CDH13: variants seen among roughly 807,000 people sequenced by gnomAD.
The protein encoded by CDH13 is cadherin 13, also known as cadherin-13.
A neutral mutation model predicts 63.8 loss-of-function variants in CDH13; 24 were observed. The observed-to-expected ratio is 0.38, with a 90% confidence interval of 0.27 to 0.53. The LOEUF is 0.53. Ranked by LOEUF, CDH13 falls within the 20% of genes least tolerant of loss-of-function variation. CDH13 has a pLI of 0.85. For synonymous variants in CDH13, 503 were observed against 355.3 expected (o/e 1.42, Z -4.67); for missense variants, 1,049 against 903.1 (o/e 1.16, Z -2.07).
chr16:83,049,537 G>C (rs8046104), intron 3 of CDH13, among the ~76,000 whole-genome samples: 2 of 151,698 alleles, frequency 1.3e-5, no homozygotes, highest in African/African-American at 2.4e-5. Flanking sequence ...GGGTTTCACC[G>C]TGTTAGCCAG....
chr16:82,704,441 T>C (rs1301159912), intron 1 of CDH13, among the ~76,000 whole-genome samples: 1 of 152,254 alleles, frequency 6.6e-6, no homozygotes, highest in Admixed American at 6.5e-5. Flanking sequence ...CAGTATGCAC[T>C]GATGGTGACT....
intron 3 of CDH13, among the ~76,000 whole-genome samples, chr16:83,050,545 G>T (rs766871711): frequency 1.3e-5 from 2 of 152,070 alleles, no homozygotes; most frequent in Non-Finnish European, 2.9e-5. Context: ...CCTGCCATTG[G>T]AAGTGCCTGT....
chr16:83,006,838 A>G (rs555464394), intron 2 of CDH13, among the ~76,000 whole-genome samples: 2 of 152,338 alleles, frequency 1.3e-5, no homozygotes, highest in South Asian at 4.1e-4. Context: ...GAAGTAAGGA[A>G]CAATGTAATT....
At chr16:83,449,912 T>A (rs979903854) in intron 6 of CDH13, among the ~76,000 whole-genome samples, 13 of 152,216 alleles carry the variant, frequency 8.5e-5, no homozygotes, top group African/African-American at 3.1e-4. Flanking sequence ...GGCTGCTGTT[T>A]CTGTTTTTAT....
At chr16:82,804,276 TACACACACACACACACAC>T (rs140828245) in intron 1 of CDH13, among the ~76,000 whole-genome samples, 2 of 135,104 alleles carry the variant, frequency 1.5e-5, no homozygotes, top group African/African-American at 3.0e-5. Flanking sequence ...GGGATCTTGC[TACACACACACACACACAC>T]ACACACACAC....
At chr16:82,627,414 A>G (rs1907453697) in intron 1 of CDH13, among the ~76,000 whole-genome samples, 2 of 148,482 alleles carry the variant, frequency 1.3e-5, no homozygotes, top group South Asian at 2.2e-4. Flanking sequence ...GAGAGCTCCC[A>G]GTCCTTTTTT....
chr16:83,719,027 C>T (rs905057956), intron 10 of CDH13, among the ~76,000 whole-genome samples: 2 of 152,142 alleles, frequency 1.3e-5, no homozygotes, highest in Non-Finnish European at 2.9e-5. Flanking sequence ...GTGCATTTGG[C>T]CTGATATGCA....
chr16:83,092,590 T>C (rs1254798141), intron 3 of CDH13, among the ~76,000 whole-genome samples: 2 of 152,226 alleles, frequency 1.3e-5, no homozygotes, highest in African/African-American at 4.8e-5. Context: ...TGTTACTTTT[T>C]TCCTTTCTTC....
intron 6 of CDH13, among the ~76,000 whole-genome samples, chr16:83,471,828 G>A (rs1226314291): frequency 6.6e-6 from 1 of 152,126 alleles, no homozygotes; most frequent in South Asian, 2.1e-4. Flanking sequence ...ATTACCTCTT[G>A]AGTCTCATCG....
intron 1 of CDH13, among the ~76,000 whole-genome samples, chr16:82,790,374 G>T (rs1454088582): frequency 6.6e-6 from 1 of 152,142 alleles, no homozygotes; most frequent in Non-Finnish European, 1.5e-5. Flanking sequence ...GGCAGAGGTT[G>T]CAGTGAGCCA....
chr16:82,828,524 G>A (rs1597725465), intron 1 of CDH13, among the ~76,000 whole-genome samples: 2 of 152,150 alleles, frequency 1.3e-5, no homozygotes, highest in Admixed American at 1.3e-4. Flanking sequence ...CTACTCAGGT[G>A]GCTGAGGCAT....
At chr16:83,315,233 C>T (rs532825276) in intron 5 of CDH13, among the ~76,000 whole-genome samples, 5 of 152,306 alleles carry the variant, frequency 3.3e-5, no homozygotes, top group East Asian at 1.9e-4. Flanking sequence ...CCGCTGAATC[C>T]GAGGAAGGGC....
intron 7 of CDH13, among the ~76,000 whole-genome samples, chr16:83,591,283 C>G (rs938421145): frequency 6.6e-6 from 1 of 152,192 alleles, no homozygotes; most frequent in Non-Finnish European, 1.5e-5. Context: ...CATAATGTTG[C>G]TATGTCAGGG....
intron 2 of CDH13, among the ~76,000 whole-genome samples, chr16:82,974,713 T>C (rs942698457): frequency 2.0e-5 from 3 of 152,150 alleles, no homozygotes; most frequent in African/African-American, 4.8e-5. Context: ...GATTTAAAGA[T>C]GCTCTATTGC....
chr16:83,451,276 A>G (rs1163936428), intron 6 of CDH13, among the ~76,000 whole-genome samples: 4 of 152,182 alleles, frequency 2.6e-5, no homozygotes, highest in African/African-American at 9.6e-5. Context: ...GCGAAGGAGG[A>G]GCAAAGTTAC....
chr16:83,442,461 G>C (rs771475643), intron 6 of CDH13, among the ~76,000 whole-genome samples: 1 of 152,222 alleles, frequency 6.6e-6, no homozygotes, highest in Non-Finnish European at 1.5e-5. Context: ...TCTGGATGCT[G>C]ATGCTTTTCT....
intron 2 of CDH13, among the ~76,000 whole-genome samples, chr16:83,018,854 C>CA (rs1915067039): frequency 6.6e-6 from 1 of 152,122 alleles, no homozygotes; most frequent in Non-Finnish European, 1.5e-5. Flanking sequence ...CATATCTAAA[C>CA]ACAGAAAAGG....
intron 2 of CDH13, among the ~76,000 whole-genome samples, chr16:83,024,104 G>A (rs1915588640): frequency 6.6e-6 from 1 of 152,158 alleles, no homozygotes; most frequent in South Asian, 2.1e-4. Flanking sequence ...TAGAGTGGAT[G>A]CAGGCATGAA....
chr16:83,419,696 C>G (rs956693056), intron 6 of CDH13, among the ~76,000 whole-genome samples: 3 of 152,222 alleles, frequency 2.0e-5, no homozygotes, highest in African/African-American at 7.2e-5. Context: ...AGTGACTTCC[C>G]TGACAAGTTG....
Sources: gnomAD v4.1 joint callset for allele counts (sites outside exome capture counted in the v4.1 genomes callset) on GRCh38, gnomAD v4.1.1 for gene constraint, MANE v1.5 for transcripts, NCBI Gene and HGNC (gene_info 2026-07-23, HGNC 2026-07-21) for gene names.